Variants in ATXN7 observed in about 807,000 individuals in gnomAD.
ATXN7 encodes the protein ataxin-7.
Under a neutral mutation model 70.5 loss-of-function variants are expected in ATXN7, and 12 were observed. The ratio of observed to expected loss-of-function variants is 0.17; its 90% CI spans 0.11 to 0.28. The LOEUF (loss-of-function observed/expected upper bound fraction) is 0.28. ATXN7 is among the 10% of genes least tolerant of loss of function. The pLI, the probability that ATXN7 is intolerant of heterozygous loss-of-function variation, is 1.00. For synonymous variants in ATXN7, 498 were observed against 448.7 expected (o/e 1.11, Z -1.39); for missense variants, 1,256 against 1,131.7 (o/e 1.11, Z -1.58).
chr3:63,917,491 G>T (rs1409894584), intron 4 of ATXN7, among the ~76,000 whole-genome samples: 2 of 152,178 alleles, frequency 1.3e-5, no homozygotes, highest in African/African-American at 4.8e-5. Flanking sequence ...TTGCACAGCA[G>T]ATTTTAAAAC....
chr3:63,867,976 T>C (rs1702486352), intron 1 of ATXN7, among the ~76,000 whole-genome samples: 1 of 152,232 alleles, frequency 6.6e-6, no homozygotes, highest in Non-Finnish European at 1.5e-5. Context: ...CAACAAAGCA[T>C]TGCCTATCAG....
chr3:63,884,285 C>T (rs547502684), intron 1 of ATXN7, among the ~76,000 whole-genome samples: 1 of 152,018 alleles, frequency 6.6e-6, no homozygotes, highest in African/African-American at 2.4e-5. Context: ...TCTCTCTCCA[C>T]ACACAATGAT....
chr3:63,870,806 C>G (rs1163872894), intron 1 of ATXN7, among the ~76,000 whole-genome samples: 1 of 152,076 alleles, frequency 6.6e-6, no homozygotes, highest in Non-Finnish European at 1.5e-5. Flanking sequence ...CCTGGCCTTC[C>G]CTATTCCCTT....
At chr3:63,940,911 T>C (rs2074750614) in intron 4 of ATXN7, among the ~76,000 whole-genome samples, 1 of 152,178 alleles carries the variant, frequency 6.6e-6, no homozygotes, top group African/African-American at 2.4e-5. Flanking sequence ...AAGCTTGTTT[T>C]CTGACTTGAG....
At position 64,001,386 on chromosome 3, in the gene ATXN7, T is replaced by C. The variant is rs895686599; in HGVS notation, c.*1919T>C. 2 of 152,164 alleles carry C rather than the reference T, an allele frequency of 1.3e-5. No individual in the cohort carries two copies. The highest frequency in any genetic ancestry group is 2.9e-5 in the Non-Finnish European group (2 of 68,034). 9.4% of individuals were successfully genotyped at this position (152,164 alleles called of 1,614,324 possible). ...GAAATCAGTCTGGTTTCCATCCCAG[T>C]CGGGGAAGAGAGAGGTGAGAGGGAA... On this transcript the variant is annotated 3_prime_UTR_variant, in exon 13 of 13. Coordinates refer to ENST00000674280, the MANE Select transcript of ATXN7 (RefSeq NM_001377405.1).
intron 4 of ATXN7, among the ~76,000 whole-genome samples, chr3:63,930,634 C>A (rs1316799688): frequency 1.3e-5 from 2 of 152,056 alleles, no homozygotes; most frequent in African/African-American, 4.8e-5. Context: ...CGGGTTCACC[C>A]CATTCTGCCT....
chr3:63,979,767 C>G, intron 5 of ATXN7, 148 bp from the exon 6 acceptor site: 1 of 1,038,396 alleles, frequency 9.6e-7, no homozygotes, highest in East Asian at 2.5e-5. Flanking sequence ...CCTAGATGAG[C>G]CATTTCTGAA....
intron 1 of ATXN7, among the ~76,000 whole-genome samples, chr3:63,876,755 T>G (rs923128473): frequency 6.6e-6 from 1 of 152,200 alleles, no homozygotes; most frequent in Admixed American, 6.5e-5. Context: ...ATAAATCTGG[T>G]ATCAAGTATT....
At chr3:63,889,388 A>G (rs1384367095) in intron 1 of ATXN7, among the ~76,000 whole-genome samples, 1 of 152,224 alleles carries the variant, frequency 6.6e-6, no homozygotes, top group Non-Finnish European at 1.5e-5. Context: ...CAGCAGTTGA[A>G]ATATTTACAT....
intron 11 of ATXN7, among the ~76,000 whole-genome samples, chr3:63,994,962 T>G (rs1335845775): frequency 6.6e-6 from 1 of 152,226 alleles, no homozygotes; most frequent in Non-Finnish European, 1.5e-5. Context: ...ATTCCCTTGT[T>G]CAGGCCAATA....
chr3:63,928,174 G>T (rs1704791685), intron 4 of ATXN7, among the ~76,000 whole-genome samples: 1 of 152,118 alleles, frequency 6.6e-6, no homozygotes, highest in Admixed American at 6.5e-5. Context: ...AGTGGCTCAC[G>T]CCTGTAATCC....
intron 1 of ATXN7, among the ~76,000 whole-genome samples, chr3:63,866,672 T>A (rs1702440295): frequency 6.6e-6 from 1 of 152,218 alleles, no homozygotes; most frequent in African/African-American, 2.4e-5. Context: ...GATCTATTCA[T>A]TGAACATTTA....
intron 4 of ATXN7, among the ~76,000 whole-genome samples, chr3:63,939,558 A>G (rs2074720428): frequency 6.6e-6 from 1 of 152,242 alleles, no homozygotes. Context: ...CTGCTCTGCC[A>G]TAAAAGCAAT....
At chr3:63,875,536 A>G (rs1203094165) in intron 1 of ATXN7, among the ~76,000 whole-genome samples, 1 of 152,066 alleles carries the variant, frequency 6.6e-6, no homozygotes, top group Non-Finnish European at 1.5e-5. Flanking sequence ...TTATTTCCCC[A>G]CAGATAGCCA....
chr3:63,957,672 A>AT (rs2075061382), intron 5 of ATXN7, among the ~76,000 whole-genome samples: 1 of 152,210 alleles, frequency 6.6e-6, no homozygotes, highest in African/African-American at 2.4e-5. Context: ...AGACTAGCAC[A>AT]TTTTAGGCAA....
intron 1 of ATXN7, among the ~76,000 whole-genome samples, chr3:63,889,871 A>T (rs1447371988): frequency 1.3e-5 from 2 of 152,210 alleles, no homozygotes; most frequent in African/African-American, 4.8e-5. Flanking sequence ...AACATTTTAG[A>T]TAGTCTTCCT....
In ATXN7 at chr3:63,957,723, A is replaced by G. The variant is rs368309894; in HGVS notation, c.499+5240A>G. ...TAGTGTGATATTATCAGGAAAATGG[A>G]AAGAGATTGGAAAGGGAGTAAGTTT... On this transcript the variant is annotated intron_variant, in intron 5 of 12. Transcript: ENST00000674280. 3.8e-4 allele frequency among the ~76,000 whole-genome samples: 58 copies of G among 152,336 alleles called. 1 individual carries two copies. Among genetic ancestry groups the G allele is most frequent in the African/African-American group, 1.3e-3 (53 of 41,570 alleles).
rs757896329 is a variant in ATXN7, at chr3:63,982,387, G to T, written c.954G>T (p.Leu318=). The T allele has an allele frequency of 6.2e-7, 1 of 1,613,552 alleles. No homozygotes were observed. The highest frequency in any genetic ancestry group is 2.2e-5 in the East Asian group (1 of 44,876). ...AAGGGCTTCCTGCACCGCCCACTCTGGAAAAGAAACCTGAAGACAATTCCA... is the reference window on the plus strand; with the variant it reads ...AAGGGCTTCCTGCACCGCCCACTCTTGAAAAGAAACCTGAAGACAATTCCA... ...NGKGLPAPPT[L]EKKPEDNSNN... is the part of the protein sequence containing the mutation. Residue 318 remains leucine (L), a synonymous_variant, in exon 7 of 13, where the codon CTG becomes CTT. Coordinates refer to ENST00000674280, the MANE Select transcript of ATXN7 (RefSeq NM_001377405.1).
chr3:63,935,258 G>C (rs2074638704), intron 4 of ATXN7, among the ~76,000 whole-genome samples: 1 of 152,088 alleles, frequency 6.6e-6, no homozygotes, highest in Admixed American at 6.5e-5. Flanking sequence ...AAATTATTTG[G>C]AGTGGCTACC....
Sources: gnomAD v4.1 joint callset for allele counts (sites outside exome capture counted in the v4.1 genomes callset) on GRCh38, gnomAD v4.1.1 for gene constraint, MANE v1.5 for transcripts, NCBI Gene and HGNC (gene_info 2026-07-23, HGNC 2026-07-21) for gene names.